Variants in CCDC172 observed in about 807,000 individuals in gnomAD.
CCDC172 encodes the protein coiled-coil domain containing 172.
CCDC172 carries 30 observed loss-of-function variants against 38.0 expected under a neutral mutation model. The observed-to-expected ratio is 0.79, with a 90% CI of 0.59 to 1.07. The LOEUF (loss-of-function observed/expected upper bound fraction) is 1.07, where lower values mean the gene tolerates loss of function less well. Among genes scored for constraint, CCDC172 ranks in the 50% least tolerant of loss-of-function variants. The probability of loss-of-function intolerance (pLI) is 0.00; values close to 1 mark genes in which losing one functional copy is unlikely to be tolerated. For missense variants in CCDC172, 297 were observed against 290.1 expected (o/e 1.02, Z -0.17); for synonymous variants, 78 against 88.3 (o/e 0.88, Z 0.66).
chr10:116,326,423 A>G (rs1844594311), intron 3 of CCDC172, among the ~76,000 whole-genome samples: 1 of 152,182 alleles, frequency 6.6e-6, no homozygotes, highest in South Asian at 2.1e-4. Flanking sequence ...ACTGTGTAAT[A>G]TGAAGTCTGT....
intron 3 of CCDC172, among the ~76,000 whole-genome samples, chr10:116,337,135 G>A (rs550802850): frequency 6.7e-6 from 1 of 149,124 alleles, no homozygotes; most frequent in African/African-American, 2.5e-5. Context: ...TTCTGACAAA[G>A]CTTGGCTATG....
At position 116,354,908 on chromosome 10, in the gene CCDC172, G is replaced by A. The variant is rs139135096; in HGVS notation, c.449-2472G>A. 4.1e-4 allele frequency among the ~76,000 whole-genome samples: 63 copies of A among 151,984 alleles called. No individual in the cohort carries two copies. The East Asian group carries it at 0.012, about 29-fold the overall frequency. ...GCTAATTGTGTGTATTTGTGTCTTC[G>A]TTTTTTACAAAAAAAGTTTAAGAAG... On this transcript the variant is annotated intron_variant, in intron 5 of 8. Transcript: ENST00000333254.
chr10:116,350,634 C>T (rs207471481), intron 5 of CCDC172, among the ~76,000 whole-genome samples: 11 of 151,940 alleles, frequency 7.2e-5, no homozygotes, highest in Admixed American at 1.3e-4. Flanking sequence ...CTCATTTCTC[C>T]GAGTTGTTGA....
chr10:116,377,309 A>G (rs1036770323), intron 7 of CCDC172, among the ~76,000 whole-genome samples: 7 of 152,116 alleles, frequency 4.6e-5, no homozygotes, highest in Non-Finnish European at 7.4e-5. Flanking sequence ...GTTGCTATGA[A>G]TCTCCTATTT....
chr10:116,367,220 T>C (rs1845134083), intron 7 of CCDC172, among the ~76,000 whole-genome samples: 1 of 152,302 alleles, frequency 6.6e-6, no homozygotes, highest in African/African-American at 2.4e-5. Context: ...CAATATTCTA[T>C]TGTATATTTC....
chr10:116,360,644 C>A (rs1192698926), intron 7 of CCDC172, among the ~76,000 whole-genome samples: 1 of 152,126 alleles, frequency 6.6e-6, no homozygotes, highest in Non-Finnish European at 1.5e-5. Context: ...GTGACACAGT[C>A]TGATCGGTGA....
In CCDC172 at chr10:116,357,944, A is replaced by C. The variant is rs1184064079; in HGVS notation, c.653+6A>C. 6.6e-7 allele frequency: 1 copy of C among 1,513,102 alleles called. No homozygotes were observed. The highest frequency in any genetic ancestry group is 1.8e-5 in the Admixed American group (1 of 55,086). 93.7% of individuals were successfully genotyped at this position (1,513,102 alleles called of 1,614,324 possible). A position where few individuals can be genotyped will look rare whatever the true frequency, so the allele number is the denominator to read the frequency against. On this transcript the variant is annotated splice_donor_region_variant and intron_variant, in intron 7 of 8. Transcript: ENST00000333254. ...AATGATACAGAATGCTTAAGGTAAG[A>C]GTTTCCTGTTATATTTTGGCCTAAA...
intron 7 of CCDC172, among the ~76,000 whole-genome samples, chr10:116,365,938 CTA>C (rs1214468380): frequency 1.1e-4 from 17 of 152,204 alleles, no homozygotes; most frequent in Middle Eastern, 3.4e-3. Flanking sequence ...GTCTGGTGTG[CTA>C]TCCAATCTAG....
chr10:116,377,434 C>A (rs185900192), intron 7 of CCDC172, among the ~76,000 whole-genome samples: 10 of 152,252 alleles, frequency 6.6e-5, no homozygotes, highest in Non-Finnish European at 1.3e-4. Context: ...AACTCCAAAC[C>A]CCCTTTCCTT....
intron 5 of CCDC172, among the ~76,000 whole-genome samples, chr10:116,349,047 T>C (rs931987296): frequency 1.3e-5 from 2 of 152,142 alleles, no homozygotes; most frequent in African/African-American, 4.8e-5. Context: ...CAGCAGCAGT[T>C]ATTAGATTCT....
intron 5 of CCDC172, among the ~76,000 whole-genome samples, chr10:116,349,763 A>C (rs1479230188): frequency 2.0e-5 from 3 of 152,276 alleles, no homozygotes; most frequent in Non-Finnish European, 2.9e-5. Context: ...AGAAGAAAAA[A>C]ATCCCTGCCC....
chr10:116,374,123 T>C (rs1254845172), intron 7 of CCDC172, among the ~76,000 whole-genome samples: 1 of 152,182 alleles, frequency 6.6e-6, no homozygotes, highest in African/African-American at 2.4e-5. Flanking sequence ...TGCCTGCTAG[T>C]CATTTCGTAG....
chr10:116,361,781 G>T (rs1845067606), intron 7 of CCDC172, among the ~76,000 whole-genome samples: 1 of 152,098 alleles, frequency 6.6e-6, no homozygotes, highest in Non-Finnish European at 1.5e-5. Context: ...TCACACTGTT[G>T]GTCCTTAGAC....
In CCDC172 at chr10:116,354,238, G is replaced by C. The variant is rs1392390160; in HGVS notation, c.449-3142G>C. Among the ~76,000 whole-genome samples the C allele has an allele frequency of 2.0e-5, 3 of 152,126 alleles. No individual in the cohort carries two copies. In the East Asian group the frequency reaches 5.8e-4, roughly 29 times the overall value. On this transcript the variant is annotated intron_variant, in intron 5 of 8. Coordinates refer to ENST00000333254, the MANE Select transcript of CCDC172 (RefSeq NM_198515.3). ...AGTATAGCACATAAAATTATGTACA[G>C]TACATAATACTTGCTAAAGATAATA... is the stretch of plus-strand genomic sequence containing the variant.
intron 5 of CCDC172, among the ~76,000 whole-genome samples, chr10:116,352,477 A>G (rs1200347911): frequency 6.6e-6 from 1 of 152,328 alleles, no homozygotes; most frequent in Middle Eastern, 3.4e-3. Flanking sequence ...TATTCTAAGT[A>G]TACTCAAGGA....
chr10:116,338,261 G>C (rs1168384779), intron 3 of CCDC172, among the ~76,000 whole-genome samples: 3 of 151,940 alleles, frequency 2.0e-5, no homozygotes, highest in African/African-American at 4.8e-5. Context: ...TACTTACCAA[G>C]ACTTTTGTAT....
chr10:116,328,117 A>C (rs2134899875), intron 3 of CCDC172, among the ~76,000 whole-genome samples: 1 of 152,232 alleles, frequency 6.6e-6, no homozygotes. Context: ...TGGGAAGTAC[A>C]GTATTCATTT....
intron 7 of CCDC172, among the ~76,000 whole-genome samples, chr10:116,367,648 G>T (rs11817785): frequency 4.0e-5 from 6 of 151,810 alleles, no homozygotes; most frequent in African/African-American, 1.4e-4. Flanking sequence ...GTGACAGAGC[G>T]AGACTCTGTC....
chr10:116,360,138 A>G (rs1845045430), intron 7 of CCDC172, among the ~76,000 whole-genome samples: 1 of 152,212 alleles, frequency 6.6e-6, no homozygotes, highest in South Asian at 2.1e-4. Flanking sequence ...CTTATAGAAT[A>G]TTGCTATGAT....
Sources: gnomAD v4.1 joint callset for allele counts (sites outside exome capture counted in the v4.1 genomes callset) on GRCh38, gnomAD v4.1.1 for gene constraint, MANE v1.5 for transcripts, NCBI Gene and HGNC (gene_info 2026-07-23, HGNC 2026-07-21) for gene names.